The following RMND5A variants were observed in gnomAD, a reference collection of about 807,000 sequenced individuals.
The protein encoded by RMND5A is E3 ubiquitin-protein transferase RMND5A.
In RMND5A, 17 loss-of-function variants were observed where a neutral mutation model predicts 49.7. That is an observed-to-expected ratio of 0.34 (90% CI 0.23 to 0.51). The LOEUF is 0.51. Ranked by LOEUF, RMND5A falls within the 20% of genes least tolerant of loss-of-function variation. The pLI is 0.96. For synonymous variants in RMND5A, 156 were observed against 167.7 expected (o/e 0.93, Z 0.54); for missense variants, 255 against 471.3 (o/e 0.54, Z 4.25).
At chr2:86,751,426 T>C (rs1681630872) in intron 2 of RMND5A, among the ~76,000 whole-genome samples, 1 of 152,040 alleles carries the variant, frequency 6.6e-6, no homozygotes, top group Non-Finnish European at 1.5e-5. Flanking sequence ...TAAACCACTC[T>C]CTTAACTAGT....
chr2:86,757,539 A>T (rs1681765454), intron 4 of RMND5A, among the ~76,000 whole-genome samples: 1 of 152,238 alleles, frequency 6.6e-6, no homozygotes, highest in Non-Finnish European at 1.5e-5. Flanking sequence ...AGCCAAAAAT[A>T]GTGTTAACGA....
At chr2:86,753,638 T>A in intron 4 of RMND5A, 80 bp downstream of exon 4, 2 of 675,694 alleles carry the variant, frequency 3.0e-6, no homozygotes, top group Non-Finnish European at 5.1e-6. Flanking sequence ...CATTAGAGAT[T>A]TTTAGATATA....
At chr2:86,743,094 C>T (rs931636271) in intron 2 of RMND5A, among the ~76,000 whole-genome samples, 2 of 152,094 alleles carry the variant, frequency 1.3e-5, no homozygotes, top group Non-Finnish European at 2.9e-5. Flanking sequence ...CCTGCTTGCT[C>T]CTGGTGCCTG....
intron 1 of RMND5A, among the ~76,000 whole-genome samples, chr2:86,732,349 A>C (rs1405297158): frequency 1.3e-5 from 2 of 150,370 alleles, no homozygotes; most frequent in African/African-American, 5.0e-5. Flanking sequence ...GGCAGACGGA[A>C]AATTAAAAGT....
In RMND5A at chr2:86,774,308, CA is replaced by C. The variant is rs1270530083; in HGVS notation, c.*900del. 1 of 152,616 alleles carries C rather than the reference CA, an allele frequency of 6.6e-6. No individual in the cohort carries two copies. The highest frequency in any genetic ancestry group is 1.5e-5 in the Non-Finnish European group (1 of 68,040). The allele number at this position is 152,616 out of a possible 1,614,324, so 9.5% of individuals were successfully genotyped here. ...GTGTATTGTATATGTGCACCAGCAT[CA>C]AACATTGTGTATCTGGAAGGAAAGC... On this transcript the variant is annotated 3_prime_UTR_variant, in exon 9 of 9. Transcript: ENST00000283632.
chr2:86,766,904 A>G (rs2104409457), intron 6 of RMND5A, among the ~76,000 whole-genome samples: 1 of 152,314 alleles, frequency 6.6e-6, no homozygotes, highest in South Asian at 2.1e-4. Context: ...CTTTCAGTAC[A>G]CATCATCTTA....
rs1672733835 is a variant in RMND5A, at chr2:86,774,503, A to G, written c.*1092A>G. The G allele has an allele frequency of 6.6e-6, 1 of 152,642 alleles. No homozygotes were observed. The highest frequency in any genetic ancestry group is 6.5e-5 in the Admixed American group (1 of 15,280). 9.5% of individuals were successfully genotyped at this position (152,642 alleles called of 1,614,324 possible). A position where few individuals can be genotyped will look rare whatever the true frequency, so the allele number is the denominator to read the frequency against. On this transcript the variant is annotated 3_prime_UTR_variant, in exon 9 of 9. Transcript: ENST00000283632. ...AAAGCGTATCATCTCATTGACTGTG[A>G]ATCTGTATATTATTCTGATGGATAC...
chr2:86,771,439 A>G (rs1362886815), intron 7 of RMND5A, 119 bp from the exon 8 acceptor site: 1 of 786,262 alleles, frequency 1.3e-6, no homozygotes, highest in Non-Finnish European at 1.9e-6. Context: ...TGCTATAGAA[A>G]GTTACATTCA....
intron 4 of RMND5A, among the ~76,000 whole-genome samples, chr2:86,762,573 A>C (rs1558725460): frequency 2.0e-5 from 3 of 151,634 alleles, no homozygotes; most frequent in African/African-American, 7.3e-5. Flanking sequence ...TGAACCTGGG[A>C]GGCGAAGGTT....
At chr2:86,761,653 G>A (rs1215633666) in intron 4 of RMND5A, among the ~76,000 whole-genome samples, 1 of 152,200 alleles carries the variant, frequency 6.6e-6, no homozygotes, top group Non-Finnish European at 1.5e-5. Flanking sequence ...AATGAGGACA[G>A]TATTGTTTCA....
intron 2 of RMND5A, among the ~76,000 whole-genome samples, chr2:86,746,118 G>A (rs1341198549): frequency 6.6e-6 from 1 of 152,168 alleles, no homozygotes; most frequent in African/African-American, 2.4e-5. Context: ...TTCTGGGTGA[G>A]CAGTCCAGAA....
chr2:86,758,376 T>C (rs75974717), intron 4 of RMND5A, among the ~76,000 whole-genome samples: 5 of 152,164 alleles, frequency 3.3e-5, no homozygotes, highest in Non-Finnish European at 7.4e-5. Flanking sequence ...TTTTTTTTTT[T>C]GGTGGCTGCT....
chr2:86,769,389 A>G (rs1458079137), intron 6 of RMND5A, among the ~76,000 whole-genome samples: 1 of 152,230 alleles, frequency 6.6e-6, no homozygotes, highest in Non-Finnish European at 1.5e-5. Flanking sequence ...CACATTTTGT[A>G]AGAAAAATAA....
Position 86,753,486 on chromosome 2 carries a change from A to G in RMND5A, c.449A>G (p.Gln150Arg). ...QESGLSVDPS[Q>R]KEPFVELNRI... Reference sequence around the variant, plus strand: ...TCTGGTCTTTCTGTAGACCCAAGTCAGAAGGAACCATTTGTGGAGTTAAAT... The same window carrying G: ...TCTGGTCTTTCTGTAGACCCAAGTCGGAAGGAACCATTTGTGGAGTTAAAT... Residue 150 changes from glutamine (Q) to arginine (R), a missense_variant, in exon 4 of 9, where the codon CAG becomes CGG. By Grantham distance (43) the Gln-to-Arg change is conservative. Around this residue, in one of 3 missense-constraint regions of RMND5A, gnomAD observed 208 missense variants for 339.8 expected, o/e 0.61. Coordinates refer to ENST00000283632, the MANE Select transcript of RMND5A (RefSeq NM_022780.4). 3 of 1,611,592 alleles carry G rather than the reference A, an allele frequency of 1.9e-6. No homozygotes were observed. The South Asian group carries it at 3.3e-5, about 18-fold the overall frequency.
At chr2:86,763,760 A>C (rs2104406966) in intron 4 of RMND5A, among the ~76,000 whole-genome samples, 1 of 152,010 alleles carries the variant, frequency 6.6e-6, no homozygotes, top group Admixed American at 6.5e-5. Context: ...TGGGTGGCAG[A>C]GTGAGACCCC....
At position 86,751,970 on chromosome 2, in the gene RMND5A, G is replaced by A. The variant is rs10186663; in HGVS notation, c.360G>A (p.Glu120=). Residue 120 remains glutamate (E), a synonymous_variant, in exon 3 of 9, where the codon GAG becomes GAA. Transcript: ENST00000283632. ...WQADSQRLLN[E]VMVEHFFRQG... is the part of the protein sequence containing the mutation. ...CAGACAGCCAAAGGCTTCTCAATGA[G>A]GTGATGGTGGAGCACTTCTTTCGAC... 1,071,087 of 1,612,856 alleles carry A rather than the reference G, an allele frequency of 0.66. 358,109 individuals carry two copies. The highest frequency in any genetic ancestry group is 0.91 in the East Asian group (40,984 of 44,864).
intron 4 of RMND5A, among the ~76,000 whole-genome samples, chr2:86,754,864 T>C (rs1681703101): frequency 6.6e-6 from 1 of 152,150 alleles, no homozygotes. Flanking sequence ...CTTGGCCATT[T>C]CTCAGTTCTG....
At chr2:86,721,795 G>T (rs1293914595) in intron 1 of RMND5A, among the ~76,000 whole-genome samples, 1 of 149,734 alleles carries the variant, frequency 6.7e-6, no homozygotes, top group Non-Finnish European at 1.5e-5. Flanking sequence ...TGTGAAGGAC[G>T]GTTTGGTAGC....
At chr2:86,768,170 A>C (rs1410945636) in intron 6 of RMND5A, among the ~76,000 whole-genome samples, 2 of 152,258 alleles carry the variant, frequency 1.3e-5, no homozygotes, top group African/African-American at 4.8e-5. Context: ...TATAATCCAC[A>C]AAAAGAAAAG....
Sources: gnomAD v4.1 joint callset for allele counts (sites outside exome capture counted in the v4.1 genomes callset) on GRCh38, gnomAD v4.1.1 for gene constraint, gnomAD v4.1.1 regional missense constraint, MANE v1.5 for transcripts, NCBI Gene and HGNC (gene_info 2026-07-23, HGNC 2026-07-21) for gene names.